The following RAB3B variants were observed in gnomAD, a reference collection of about 807,000 sequenced individuals.
The protein encoded by RAB3B is RAB3B, member RAS oncogene family, also known as ras-related protein Rab-3B.
RAB3B carries 11 observed loss-of-function variants against 20.5 expected under a neutral mutation model. That is an observed-to-expected ratio of 0.54 (90% CI 0.34 to 0.89). The LOEUF (loss-of-function observed/expected upper bound fraction) is 0.89, where lower values mean the gene tolerates loss of function less well. RAB3B is among the 40% of genes least tolerant of loss of function. The probability of loss-of-function intolerance (pLI) is 0.02; values close to 1 mark genes in which losing one functional copy is unlikely to be tolerated. For missense variants in RAB3B, 225 were observed against 280.9 expected, an observed-to-expected ratio of 0.80 and a Z score of 1.42; for synonymous variants, 99 against 106.3, an observed-to-expected ratio of 0.93 and a Z score of 0.42.
At position 51,908,202 on chromosome 1, in the gene RAB3B, G is replaced by C. The variant is rs1257893584; in HGVS notation, c.*11725C>G. 2 of 151,970 alleles carry C rather than the reference G, an allele frequency of 1.3e-5. No individual in the cohort carries two copies. Among genetic ancestry groups the C allele is most frequent in the Admixed American group, 1.3e-4 (2 of 15,214 alleles). The allele number at this position is 151,970 out of a possible 1,614,324, so 9.4% of individuals were successfully genotyped here. A position where few individuals can be genotyped will look rare whatever the true frequency, so the allele number is the denominator to read the frequency against. On this transcript the variant is annotated 3_prime_UTR_variant, in exon 5 of 5. Coordinates refer to ENST00000371655, the MANE Select transcript of RAB3B (RefSeq NM_002867.4). ...CACTGAGAAGAGGTGTCAGTATACA[G>C]AACATAGGAAGAAGAAAAAAGCATG...
chr1:51,916,457 GGTGA>G lies in RAB3B; in HGVS notation c.*3466_*3469del, dbSNP rs1684086522. 6.6e-6 allele frequency: 1 copy of G among 152,196 alleles called. No homozygotes were observed. The highest frequency in any genetic ancestry group is 2.4e-5 in the African/African-American group (1 of 41,460). 9.4% of individuals were successfully genotyped at this position (152,196 alleles called of 1,614,324 possible). ...GGTCTGAAATCCTAGTACTAGAGTA[GGTGA>G]GTGTTAATGACCAGAAAAAAATAGT... is the stretch of plus-strand genomic sequence containing the variant. On this transcript the variant is annotated 3_prime_UTR_variant, in exon 5 of 5. Transcript: ENST00000371655.
intron 2 of RAB3B, among the ~76,000 whole-genome samples, chr1:51,970,098 C>CAA (rs1557975139): frequency 7.2e-6 from 1 of 139,006 alleles, no homozygotes; most frequent in African/African-American, 2.7e-5. Flanking sequence ...AAACAAAAAA[C>CAA]AAACAAACAA....
intron 2 of RAB3B, among the ~76,000 whole-genome samples, chr1:51,951,031 G>A (rs959533694): frequency 2.0e-5 from 3 of 151,870 alleles, no homozygotes; most frequent in African/African-American, 4.8e-5. Context: ...ATAGCTATCC[G>A]TCCTCAGCCA....
intron 1 of RAB3B, among the ~76,000 whole-genome samples, chr1:51,979,111 G>A (rs1347127057): frequency 6.6e-6 from 1 of 152,160 alleles, no homozygotes; most frequent in Non-Finnish European, 1.5e-5. Flanking sequence ...CAGGACACTT[G>A]GAGACTGAGG....
chr1:51,959,210 G>A (rs12121725), intron 2 of RAB3B, among the ~76,000 whole-genome samples: 77 of 152,150 alleles, frequency 5.1e-4, no homozygotes, highest in Non-Finnish European at 7.4e-4. Context: ...AGTCAAATGG[G>A]AGTTTGCTGA....
intron 1 of RAB3B, among the ~76,000 whole-genome samples, chr1:51,979,337 C>T: frequency 6.6e-6 from 1 of 151,394 alleles, no homozygotes; most frequent in Non-Finnish European, 1.5e-5. Flanking sequence ...GTGGTGCAGC[C>T]TTGGCTCACT....
intron 2 of RAB3B, among the ~76,000 whole-genome samples, chr1:51,961,516 A>G (rs1429989567): frequency 6.6e-6 from 1 of 151,930 alleles, no homozygotes; most frequent in Non-Finnish European, 1.5e-5. Context: ...CAGATGTGCT[A>G]TTTTCCAGGC....
intron 1 of RAB3B, among the ~76,000 whole-genome samples, chr1:51,983,871 A>C (rs748116404): frequency 3.0e-4 from 45 of 152,114 alleles, no homozygotes; most frequent in Middle Eastern, 3.4e-3. Flanking sequence ...GAAGCACAAA[A>C]ATTGCTTGAA....
At chr1:51,932,829 C>T (rs1181549058) in intron 4 of RAB3B, among the ~76,000 whole-genome samples, 1 of 152,076 alleles carries the variant, frequency 6.6e-6, no homozygotes, top group African/African-American at 2.4e-5. Flanking sequence ...GATTATGTTT[C>T]CCTCTTGGCA....
intron 2 of RAB3B, among the ~76,000 whole-genome samples, chr1:51,974,698 A>G (rs983481952): frequency 6.6e-6 from 1 of 152,226 alleles, no homozygotes; most frequent in Non-Finnish European, 1.5e-5. Flanking sequence ...ATCCCACTTT[A>G]TAGCAGTGTT....
At chr1:51,980,376 C>T in intron 1 of RAB3B, 1 of 366,010 alleles carries the variant, frequency 2.7e-6, no homozygotes, top group South Asian at 2.8e-5. Context: ...TGCAGTAAAC[C>T]ATGATTGTGC....
chr1:51,951,200 C>T (rs988056136), intron 2 of RAB3B, among the ~76,000 whole-genome samples: 4 of 150,692 alleles, frequency 2.7e-5, no homozygotes, highest in Admixed American at 6.6e-5. Flanking sequence ...AGGTTTGTTA[C>T]ATGGGTATAC....
chr1:51,937,839 G>C (rs1424765747), intron 2 of RAB3B, among the ~76,000 whole-genome samples: 1 of 152,120 alleles, frequency 6.6e-6, no homozygotes, highest in Admixed American at 6.5e-5. Context: ...CTTGTATTGT[G>C]CTTGCTGACT....
At chr1:51,967,521 C>CTTTTTCTTTTTTTTTTTT (rs1684870854) in intron 2 of RAB3B, among the ~76,000 whole-genome samples, 1 of 36,496 alleles carries the variant, frequency 2.7e-5, no homozygotes, top group Non-Finnish European at 5.7e-5. Flanking sequence ...TTTTCTTTTT[C>CTTTTTCTTTTTTTTTTTT]TTTTTTTTTT....
chr1:51,958,522 G>A (rs535263827), intron 2 of RAB3B, among the ~76,000 whole-genome samples: 29 of 152,190 alleles, frequency 1.9e-4, no homozygotes, highest in African/African-American at 6.5e-4. Flanking sequence ...TCAGGAGTTC[G>A]AGACCAGCCT....
intron 2 of RAB3B, among the ~76,000 whole-genome samples, chr1:51,952,808 C>T (rs1461484936): frequency 6.6e-6 from 1 of 152,012 alleles, no homozygotes; most frequent in Non-Finnish European, 1.5e-5. Context: ...CCAAACACAC[C>T]CCTTTTCTGG....
chr1:51,982,471 T>C (rs1015953690), intron 1 of RAB3B, among the ~76,000 whole-genome samples: 1 of 151,992 alleles, frequency 6.6e-6, no homozygotes. Flanking sequence ...AAAGAGTCTA[T>C]GGCTGGGCAT....
chr1:51,934,129 A>G (rs922174555), intron 3 of RAB3B, among the ~76,000 whole-genome samples: 1 of 152,218 alleles, frequency 6.6e-6, no homozygotes, highest in Non-Finnish European at 1.5e-5. Flanking sequence ...CTATGTGATC[A>G]AGTCCAGATT....
At chr1:51,964,095 CTG>C (rs1684816596) in intron 2 of RAB3B, among the ~76,000 whole-genome samples, 1 of 152,168 alleles carries the variant, frequency 6.6e-6, no homozygotes, top group Non-Finnish European at 1.5e-5. Context: ...CTTCAAAGTG[CTG>C]TGTCATACTT....
Sources: allele counts gnomAD v4.1 joint callset (sites outside exome capture counted in the v4.1 genomes callset), GRCh38; gene constraint gnomAD v4.1.1; transcripts MANE v1.5; gene names NCBI Gene and HGNC (gene_info 2026-07-23, HGNC 2026-07-21).